CSN3: variants seen among roughly 807,000 people sequenced by gnomAD.
CSN3 encodes the protein kappa-casein.
In CSN3, 7 loss-of-function variants were observed where a neutral mutation model predicts 9.9. The ratio of observed to expected loss-of-function variants is 0.71; its 90% CI spans 0.40 to 1.33. The LOEUF (loss-of-function observed/expected upper bound fraction) is 1.33, where lower values mean the gene tolerates loss of function less well. CSN3 is among the 40% of genes most tolerant of loss of function. CSN3 has a pLI of 0.01. For synonymous variants in CSN3, 88 were observed against 82.3 expected (o/e 1.07, Z -0.37); for missense variants, 253 against 227.9 (o/e 1.11, Z -0.71).
chr4:70,246,559 A>G (rs1157313628), intron 2 of CSN3, among the ~76,000 whole-genome samples: 10 of 152,114 alleles, frequency 6.6e-5, no homozygotes, highest in South Asian at 2.1e-4. Context: ...AATGCAGGAT[A>G]CTTTTTAGAC....
intron 2 of CSN3, 115 bp from the exon 3 acceptor site, chr4:70,247,703 A>C (rs1730406849): frequency 1.1e-6 from 1 of 906,996 alleles, no homozygotes; most frequent in Non-Finnish European, 1.7e-6. Context: ...TGTTTTAAAA[A>C]ATAAAAAGAA....
upstream of CSN3, among the ~76,000 whole-genome samples, chr4:70,241,624 A>T (rs1436131331): frequency 1.3e-5 from 2 of 152,072 alleles, no homozygotes; most frequent in African/African-American, 4.8e-5. Context: ...AATTTTGTTT[A>T]GCTATTTTTT....
At chr4:70,244,225 G>T (rs1357628707) in intron 1 of CSN3, among the ~76,000 whole-genome samples, 1 of 151,878 alleles carries the variant, frequency 6.6e-6, no homozygotes, top group Admixed American at 6.6e-5. Context: ...TATCTTAAAG[G>T]TGTCTACTTT....
At chr4:70,242,446 T>G (rs1415388825), upstream of CSN3, 1 of 119,898 alleles carries the variant, frequency 8.3e-6, no homozygotes, top group Non-Finnish European at 2.0e-5. Flanking sequence ...TATCTCCCAA[T>G]GCTATCCCTC....
upstream of CSN3, among the ~76,000 whole-genome samples, chr4:70,239,767 T>C (rs769021083): frequency 6.6e-6 from 1 of 152,014 alleles, no homozygotes; most frequent in South Asian, 2.1e-4. Context: ...GTATTGTTTG[T>C]TTAACAGAAG....
intron 2 of CSN3, among the ~76,000 whole-genome samples, chr4:70,246,407 A>G (rs1730377690): frequency 6.6e-6 from 1 of 152,096 alleles, no homozygotes; most frequent in Admixed American, 6.6e-5. Context: ...TCTGTTTATA[A>G]TTAAAATTTT....
Position 70,246,188 on chromosome 4 carries a change from A to G in CSN3, c.54+1315A>G, listed in dbSNP as rs146440578. 6.6e-5 allele frequency among the ~76,000 whole-genome samples: 10 copies of G among 152,308 alleles called. No homozygotes were observed. In the East Asian group the frequency reaches 1.9e-3, roughly 29 times the overall value. Reference sequence around the variant, plus strand: ...ACTATTTTATCCCTTCCCCCAAAATAAAAATAGTTAGATAATATTTTACTA... The same window carrying G: ...ACTATTTTATCCCTTCCCCCAAAATGAAAATAGTTAGATAATATTTTACTA... On this transcript the variant is annotated intron_variant, in intron 2 of 4. Transcript: ENST00000304954.
intron 4 of CSN3, among the ~76,000 whole-genome samples, chr4:70,250,367 G>A (rs969978860): frequency 6.6e-6 from 1 of 152,104 alleles, no homozygotes; most frequent in Non-Finnish European, 1.5e-5. Flanking sequence ...GTGATATCAT[G>A]GGACTACCAT....
chr4:70,241,684 A>T (rs1730272670), upstream of CSN3, among the ~76,000 whole-genome samples: 1 of 152,080 alleles, frequency 6.6e-6, no homozygotes, highest in Non-Finnish European at 1.5e-5. Flanking sequence ...CTCTAAGTCA[A>T]AATGACTTTC....
upstream of CSN3, chr4:70,242,490 A>C (rs1233642110): frequency 1.3e-5 from 2 of 150,974 alleles, no homozygotes; most frequent in African/African-American, 4.9e-5. Flanking sequence ...GACTGACCCA[A>C]AGGTGACCCT....
upstream of CSN3, among the ~76,000 whole-genome samples, chr4:70,240,792 AAC>A (rs369241406): frequency 2.7e-4 from 41 of 152,124 alleles, no homozygotes; most frequent in African/African-American, 8.2e-4. Context: ...TACTACCTGA[AAC>A]AGTATCTGAA....
At chr4:70,243,716 G>A (rs1431476047) in intron 1 of CSN3, among the ~76,000 whole-genome samples, 2 of 151,658 alleles carry the variant, frequency 1.3e-5, no homozygotes, top group Admixed American at 6.6e-5. Flanking sequence ...AAAAGTTTGG[G>A]GTATCATATA....
intron 4 of CSN3, 21 bp downstream of exon 4, chr4:70,249,514 A>G: frequency 7.4e-7 from 1 of 1,354,830 alleles, no homozygotes; most frequent in Non-Finnish European, 1.0e-6. Flanking sequence ...AGTATATAAA[A>G]TGAGTAATTC....
chr4:70,244,703 C>G, intron 1 of CSN3, 109 bp from the exon 2 acceptor site: 1 of 475,446 alleles, frequency 2.1e-6, no homozygotes, highest in Non-Finnish European at 3.4e-6. Flanking sequence ...CTAAATCTAC[C>G]TGTAAATCTG....
intron 3 of CSN3, 38 bp from the exon 4 acceptor site, chr4:70,248,957 TCTA>T (rs1730429312): frequency 2.2e-6 from 3 of 1,393,614 alleles, no homozygotes; most frequent in Non-Finnish European, 2.9e-6. Context: ...CACATTTGGG[TCTA>T]TAATAATAAT....
At chr4:70,239,099 G>A (rs183745129), upstream of CSN3, among the ~76,000 whole-genome samples, 21 of 151,874 alleles carry the variant, frequency 1.4e-4, no homozygotes, top group African/African-American at 4.3e-4. Flanking sequence ...AAGATAGAGG[G>A]AGAAAAGATA....
upstream of CSN3, among the ~76,000 whole-genome samples, chr4:70,239,221 G>A (rs555401090): frequency 4.3e-4 from 63 of 147,746 alleles, no homozygotes; most frequent in Non-Finnish European, 7.9e-4. Flanking sequence ...GACTCGAGGG[G>A]GAAAAAAAAA....
Position 70,247,812 on chromosome 4 carries a change from C to A in CSN3, c.55-6C>A, listed in dbSNP as rs1249151943. On this transcript the variant is annotated splice_polypyrimidine_tract_variant and splice_region_variant and intron_variant, in intron 2 of 4. Transcript: ENST00000304954. ...TCTCATTATTTCTTCTTCTGGAACT[C>A]CCCAGGCTGTGGAGGTTCAAAACCA... The A allele has an allele frequency of 3.8e-6, 6 of 1,588,648 alleles. No homozygotes were observed. In the African/African-American group the frequency reaches 8.2e-5, roughly 22 times the overall value.
intron 4 of CSN3, among the ~76,000 whole-genome samples, 168 bp downstream of exon 4, chr4:70,249,661 A>T (rs1730448258): frequency 6.6e-6 from 1 of 152,214 alleles, no homozygotes; most frequent in Non-Finnish European, 1.5e-5. Flanking sequence ...TTGATACACC[A>T]GATTCTGTTC....
Sources: gnomAD v4.1 joint callset for allele counts (sites outside exome capture counted in the v4.1 genomes callset) on GRCh38, gnomAD v4.1.1 for gene constraint, MANE v1.5 for transcripts, NCBI Gene and HGNC (gene_info 2026-07-23, HGNC 2026-07-21) for gene names.